KCTD16: variants seen among roughly 807,000 people sequenced by gnomAD.
KCTD16 encodes potassium channel tetramerization domain containing 16.
A neutral mutation model predicts 33.2 loss-of-function variants in KCTD16; 13 were observed. That is an observed-to-expected ratio of 0.39 (90% confidence interval 0.25 to 0.62). The LOEUF (loss-of-function observed/expected upper bound fraction) is 0.62, where lower values mean the gene tolerates loss of function less well. Ranked by LOEUF, KCTD16 falls within the 20% of genes least tolerant of loss-of-function variation. The probability of loss-of-function intolerance (pLI) is 0.50; values close to 1 mark genes in which losing one functional copy is unlikely to be tolerated. For synonymous variants in KCTD16, 197 were observed against 195.3 expected, an observed-to-expected ratio of 1.01 and a Z score of -0.07; for missense variants, 441 against 525.1, an observed-to-expected ratio of 0.84 and a Z score of 1.57.
At chr5:144,453,738 T>C (rs1250693200) in intron 3 of KCTD16, among the ~76,000 whole-genome samples, 2 of 152,138 alleles carry the variant, frequency 1.3e-5, no homozygotes, top group Admixed American at 1.3e-4. Flanking sequence ...GACCAGCTAG[T>C]GAAAGAAGTA....
At chr5:144,175,580 T>C (rs532451004) in intron 2 of KCTD16, among the ~76,000 whole-genome samples, 1 of 152,330 alleles carries the variant, frequency 6.6e-6, no homozygotes, top group African/African-American at 2.4e-5. Flanking sequence ...TATGTTACAT[T>C]AGTCATGTAT....
intron 3 of KCTD16, among the ~76,000 whole-genome samples, chr5:144,381,930 G>A (rs1234192250): frequency 6.6e-6 from 1 of 151,926 alleles, no homozygotes; most frequent in African/African-American, 2.4e-5. Context: ...GCACCCATAT[G>A]TTCATTGCAG....
Position 144,207,466 on chromosome 5 carries a change from A to G in KCTD16, c.752A>G (p.Asn251Ser), listed in dbSNP as rs753768585. The part of the protein sequence containing the change: ...SECGFHMVAC[N>S]SSVTASFINQ... ...TGTGGATTCCACATGGTGGCCTGTA[A>G]CTCATCGGTGACAGCATCTTTCATC... is the stretch of plus-strand genomic sequence containing the variant. The change falls in exon 3 of 4, where the codon AAC (asparagine) becomes AGC (serine). Residue 251 changes from asparagine (N) to serine (S), a missense_variant. By Grantham distance (46) the Asn-to-Ser change is conservative. Transcript: ENST00000512467. 4 of 1,614,192 alleles carry G rather than the reference A, an allele frequency of 2.5e-6. No homozygotes were observed. The South Asian group carries it at 4.4e-5, about 18-fold the overall frequency.
At chr5:144,217,278 CA>C (rs1433545102) in intron 3 of KCTD16, among the ~76,000 whole-genome samples, 1 of 152,196 alleles carries the variant, frequency 6.6e-6, no homozygotes, top group Non-Finnish European at 1.5e-5. Context: ...CACAGTAATT[CA>C]AATGGAAGGT....
At chr5:144,454,153 TAACTC>T (rs1023926003) in intron 3 of KCTD16, among the ~76,000 whole-genome samples, 4 of 152,204 alleles carry the variant, frequency 2.6e-5, no homozygotes, top group African/African-American at 9.6e-5. Context: ...ACTCTGTAGT[TAACTC>T]AAATCCTTGT....
At chr5:144,247,658 T>C (rs1754586259) in intron 3 of KCTD16, among the ~76,000 whole-genome samples, 1 of 152,216 alleles carries the variant, frequency 6.6e-6, no homozygotes, top group Non-Finnish European at 1.5e-5. Context: ...ATTAATACCA[T>C]GATCATGATT....
In KCTD16 at chr5:144,482,503, G is replaced by A. The variant is rs1339009513; in HGVS notation, c.*8389G>A. ...CGTGTTTATATGTGTTTATGCATGAGTGTATCTAGGTATCTGCTATTTTCA... is the reference window on the plus strand; with the variant it reads ...CGTGTTTATATGTGTTTATGCATGAATGTATCTAGGTATCTGCTATTTTCA... On this transcript the variant is annotated 3_prime_UTR_variant, in exon 4 of 4. Transcript: ENST00000512467. 1.3e-5 allele frequency: 2 copies of A among 151,838 alleles called. No individual in the cohort carries two copies. Among genetic ancestry groups the A allele is most frequent in the African/African-American group, 4.8e-5 (2 of 41,386 alleles). The allele number at this position is 151,838 out of a possible 1,614,324, so 9.4% of individuals were successfully genotyped here.
At chr5:144,185,699 G>T (rs1752710704) in intron 2 of KCTD16, among the ~76,000 whole-genome samples, 3 of 151,886 alleles carry the variant, frequency 2.0e-5, no homozygotes, top group African/African-American at 7.3e-5. Flanking sequence ...TTGTTTTCTT[G>T]GGAGATAGGG....
chr5:144,431,270 CT>C (rs1422354597), intron 3 of KCTD16, among the ~76,000 whole-genome samples: 2 of 152,092 alleles, frequency 1.3e-5, no homozygotes, highest in African/African-American at 4.8e-5. Flanking sequence ...AATTGTTCTT[CT>C]TTTTTAAATA....
chr5:144,443,736 G>A (rs559531940), intron 3 of KCTD16, among the ~76,000 whole-genome samples: 1 of 152,112 alleles, frequency 6.6e-6, no homozygotes, highest in South Asian at 2.1e-4. Flanking sequence ...AGCTCAAGTT[G>A]TTCTATCCTT....
At chr5:144,330,388 G>A (rs1390458839) in intron 3 of KCTD16, among the ~76,000 whole-genome samples, 2 of 144,620 alleles carry the variant, frequency 1.4e-5, no homozygotes, top group African/African-American at 5.2e-5. Flanking sequence ...ACTCCAGCCT[G>A]GGCAACAAGA....
intron 3 of KCTD16, among the ~76,000 whole-genome samples, chr5:144,429,379 C>G (rs1405211944): frequency 2.6e-5 from 4 of 152,102 alleles, no homozygotes; most frequent in Non-Finnish European, 4.4e-5. Context: ...TTTTCTCTAG[C>G]TACAGGAAGT....
chr5:144,293,887 C>A (rs1000389818), intron 3 of KCTD16, among the ~76,000 whole-genome samples: 19 of 152,152 alleles, frequency 1.2e-4, no homozygotes, highest in Admixed American at 1.0e-3. Context: ...GGGCTGGGTG[C>A]GGTGGCTCAC....
chr5:144,266,721 G>A (rs1012235645), intron 3 of KCTD16, among the ~76,000 whole-genome samples: 6 of 152,268 alleles, frequency 3.9e-5, no homozygotes, highest in South Asian at 2.1e-4. Context: ...CAGCTTCAGA[G>A]TCATGCTTAA....
At chr5:144,284,759 G>GA (rs1253853464) in intron 3 of KCTD16, among the ~76,000 whole-genome samples, 2 of 152,028 alleles carry the variant, frequency 1.3e-5, no homozygotes, top group Non-Finnish European at 2.9e-5. Flanking sequence ...TATAGCTAAG[G>GA]AAAAAATCAC....
At chr5:144,318,050 G>A (rs774202289) in intron 3 of KCTD16, among the ~76,000 whole-genome samples, 20 of 152,196 alleles carry the variant, frequency 1.3e-4, no homozygotes, top group Non-Finnish European at 2.4e-4. Flanking sequence ...TAGCCTGGAA[G>A]CATGAATGTT....
intron 3 of KCTD16, among the ~76,000 whole-genome samples, chr5:144,236,828 T>C (rs1561538910): frequency 6.6e-6 from 1 of 152,126 alleles, no homozygotes; most frequent in Non-Finnish European, 1.5e-5. Context: ...AAACTTAAAC[T>C]TGTGGGCCTT....
At chr5:144,290,157 A>G (rs1412375989) in intron 3 of KCTD16, among the ~76,000 whole-genome samples, 1 of 152,064 alleles carries the variant, frequency 6.6e-6, no homozygotes, top group African/African-American at 2.4e-5. Context: ...TATCCAGGCA[A>G]GGAGGCGCAT....
chr5:144,315,942 A>G (rs1332474144), intron 3 of KCTD16, among the ~76,000 whole-genome samples: 2 of 151,984 alleles, frequency 1.3e-5, no homozygotes, highest in African/African-American at 4.8e-5. Context: ...TGTAATATAA[A>G]TTTCAATTGC....
Sources: allele counts gnomAD v4.1 joint callset (sites outside exome capture counted in the v4.1 genomes callset), GRCh38; gene constraint gnomAD v4.1.1; transcripts MANE v1.5; gene names NCBI Gene and HGNC (gene_info 2026-07-23, HGNC 2026-07-21).